CSMD1: variants seen among roughly 807,000 people sequenced by gnomAD.
CSMD1 encodes the protein CUB and Sushi multiple domains 1.
Under a neutral mutation model 417.5 loss-of-function variants are expected in CSMD1, and 213 were observed. The ratio of observed to expected loss-of-function variants is 0.51; its 90% CI spans 0.46 to 0.57. The LOEUF (loss-of-function observed/expected upper bound fraction) is 0.57, where lower values mean the gene tolerates loss of function less well. CSMD1 is among the 20% of genes least tolerant of loss of function. The probability of loss-of-function intolerance (pLI) is 0.00; values close to 1 mark genes in which losing one functional copy is unlikely to be tolerated. For missense variants in CSMD1, 6,923 were observed against 4,529.7 expected (o/e 1.53, Z -15.17); for synonymous variants, 2,862 against 1,736.8 (o/e 1.65, Z -16.11).
intron 5 of CSMD1, among the ~76,000 whole-genome samples, chr8:3,888,874 T>G (rs1172662114): frequency 6.6e-6 from 1 of 152,176 alleles, no homozygotes; most frequent in African/African-American, 2.4e-5. Context: ...TTTCTGTGAC[T>G]TCAATATCAA....
At chr8:3,077,646 C>T (rs1813781003) in intron 49 of CSMD1, among the ~76,000 whole-genome samples, 1 of 152,264 alleles carries the variant, frequency 6.6e-6, no homozygotes, top group Non-Finnish European at 1.5e-5. Flanking sequence ...CCCCAGTAGC[C>T]TGAGGCTTAT....
intron 5 of CSMD1, among the ~76,000 whole-genome samples, chr8:3,761,404 A>G (rs1247347186): frequency 2.6e-5 from 4 of 152,142 alleles, no homozygotes; most frequent in South Asian, 2.1e-4. Flanking sequence ...AAAACAACCA[A>G]CTATGAAACA....
chr8:4,806,221 T>C (rs1384082849), intron 1 of CSMD1, among the ~76,000 whole-genome samples: 1 of 152,128 alleles, frequency 6.6e-6, no homozygotes, highest in African/African-American at 2.4e-5. Flanking sequence ...CTAGGTGCAA[T>C]TTCAAACCTA....
intron 4 of CSMD1, among the ~76,000 whole-genome samples, chr8:4,029,970 T>A (rs72624007): frequency 0.15 from 22,234 of 152,146 alleles, 2,280 homozygotes; most frequent in East Asian, 0.35. Flanking sequence ...AGCTCCAAAA[T>A]CATTTCCTTT....
At position 3,202,765 on chromosome 8, in the gene CSMD1, T is replaced by C. The variant is rs527522830; in HGVS notation, c.4985-1040A>G. 5.9e-5 allele frequency among the ~76,000 whole-genome samples: 9 copies of C among 152,358 alleles called. No individual in the cohort carries two copies. The South Asian group carries it at 1.4e-3, about 25-fold the overall frequency. On this transcript the variant is annotated intron_variant, in intron 31 of 69. Transcript: ENST00000635120. ...CTAACTGTAACAGTGTGTGTGCCCA[T>C]GTGTGTATAGACACACATACATATA... is the stretch of plus-strand genomic sequence containing the variant.
At chr8:3,657,630 G>C (rs146943147) in intron 7 of CSMD1, among the ~76,000 whole-genome samples, 5 of 152,128 alleles carry the variant, frequency 3.3e-5, no homozygotes, top group Non-Finnish European at 7.3e-5. Context: ...TCACTCATAA[G>C]TGGGTGTTGA....
chr8:3,957,855 A>T (rs765970635), intron 5 of CSMD1, among the ~76,000 whole-genome samples: 1 of 152,224 alleles, frequency 6.6e-6, no homozygotes. Context: ...AGCCCATAAG[A>T]GGCACATTTG....
At chr8:4,258,825 A>T (rs1803668350) in intron 3 of CSMD1, among the ~76,000 whole-genome samples, 3 of 152,090 alleles carry the variant, frequency 2.0e-5, no homozygotes, top group Admixed American at 2.0e-4. Flanking sequence ...CAGCAGAAAG[A>T]TCAGGAGCCC....
chr8:3,954,969 A>T (rs550021248), intron 5 of CSMD1, among the ~76,000 whole-genome samples: 1 of 152,314 alleles, frequency 6.6e-6, no homozygotes, highest in South Asian at 2.1e-4. Flanking sequence ...GTCTGCATTC[A>T]GTTAACATTT....
intron 6 of CSMD1, among the ~76,000 whole-genome samples, chr8:3,720,878 C>A (rs949032026): frequency 6.6e-6 from 1 of 150,502 alleles, no homozygotes; most frequent in African/African-American, 2.5e-5. Flanking sequence ...ATGGCGTGAT[C>A]TCGGCTCACT....
At chr8:3,465,731 G>C (rs1190595651) in intron 12 of CSMD1, among the ~76,000 whole-genome samples, 27 of 152,274 alleles carry the variant, frequency 1.8e-4, no homozygotes, top group Admixed American at 1.7e-3. Context: ...AATGAGTGAG[G>C]TTACAATGAT....
chr8:3,806,860 C>G (rs1452881635), intron 5 of CSMD1, among the ~76,000 whole-genome samples: 1 of 152,146 alleles, frequency 6.6e-6, no homozygotes, highest in Admixed American at 6.5e-5. Context: ...ACAATGTAAT[C>G]TAGTAACCAA....
intron 50 of CSMD1, among the ~76,000 whole-genome samples, chr8:3,041,744 G>A (rs899403256): frequency 9.9e-5 from 15 of 152,128 alleles, no homozygotes; most frequent in Non-Finnish European, 1.9e-4. Context: ...TTTATAAACC[G>A]ATAAACTTCA....
intron 11 of CSMD1, among the ~76,000 whole-genome samples, chr8:3,472,601 A>AT (rs1817170165): frequency 1.3e-5 from 2 of 148,512 alleles, no homozygotes; most frequent in East Asian, 2.1e-4. Context: ...TATATATATA[A>AT]AATTTCCAGA....
At chr8:4,308,270 TG>T (rs1182380707) in intron 3 of CSMD1, among the ~76,000 whole-genome samples, 1 of 151,912 alleles carries the variant, frequency 6.6e-6, no homozygotes, top group African/African-American at 2.4e-5. Flanking sequence ...GTGTGTCTGT[TG>T]TGTATAGTTG....
intron 5 of CSMD1, among the ~76,000 whole-genome samples, chr8:3,841,330 A>G (rs1318200110): frequency 2.0e-5 from 3 of 152,202 alleles, no homozygotes; most frequent in Non-Finnish European, 4.4e-5. Context: ...AATTGGCATC[A>G]AGTGCATTTT....
At chr8:3,070,121 C>T (rs914823742) in intron 49 of CSMD1, among the ~76,000 whole-genome samples, 2 of 152,204 alleles carry the variant, frequency 1.3e-5, no homozygotes, top group Admixed American at 6.5e-5. Flanking sequence ...GCCTGGCCCA[C>T]AAAATCATCT....
chr8:3,925,767 T>C (rs2204224), intron 5 of CSMD1, among the ~76,000 whole-genome samples: 45,613 of 151,908 alleles, frequency 0.3, 6,864 homozygotes, highest in Non-Finnish European at 0.32. Flanking sequence ...GTAAGTCCCA[T>C]TGAACCTCTT....
intron 49 of CSMD1, among the ~76,000 whole-genome samples, chr8:3,084,922 C>CTA (rs34463934): frequency 2.0e-5 from 3 of 151,114 alleles, no homozygotes; most frequent in Admixed American, 1.3e-4. Flanking sequence ...GCATTATAAT[C>CTA]TATATATATA....
Sources: allele counts gnomAD v4.1 joint callset (sites outside exome capture counted in the v4.1 genomes callset), GRCh38; gene constraint gnomAD v4.1.1; transcripts MANE v1.5; gene names NCBI Gene and HGNC (gene_info 2026-07-23, HGNC 2026-07-21).